The following ZFC3H1 variants were observed in gnomAD, a reference collection of about 807,000 sequenced individuals.
The protein encoded by ZFC3H1 is zinc finger C3H1 domain-containing protein.
ZFC3H1 carries 71 observed loss-of-function variants against 243.7 expected under a neutral mutation model. That is an observed-to-expected ratio of 0.29 (90% CI 0.24 to 0.36). ZFC3H1 has a LOEUF of 0.36. ZFC3H1 is among the 10% of genes least tolerant of loss of function. The pLI is 1.00. For synonymous variants in ZFC3H1, 838 were observed against 813.0 expected, an observed-to-expected ratio of 1.03 and a Z score of -0.52; for missense variants, 1,966 against 2,317.1, an observed-to-expected ratio of 0.85 and a Z score of 3.11.
intron 22 of ZFC3H1, among the ~76,000 whole-genome samples, chr12:71,625,866 G>A (rs139385149): frequency 0.011 from 1,737 of 152,270 alleles, 31 homozygotes; most frequent in African/African-American, 0.04. Flanking sequence ...TTTCCTGGCA[G>A]TCATTATAAT....
At chr12:71,638,280 C>A (rs1000426607) in intron 7 of ZFC3H1, 138 bp downstream of exon 7, 5 of 792,190 alleles carry the variant, frequency 6.3e-6, no homozygotes, top group Non-Finnish European at 9.9e-6. Context: ...ACTGTTTATT[C>A]TACGTATTTC....
chr12:71,657,382 T>G, intron 1 of ZFC3H1, 81 bp from the exon 2 acceptor site: 1 of 982,726 alleles, frequency 1.0e-6, no homozygotes, highest in Non-Finnish European at 1.4e-6. Context: ...TATAGATGAA[T>G]TTTCTCCCTT....
chr12:71,645,398 GA>G (rs980403596), intron 3 of ZFC3H1, among the ~76,000 whole-genome samples: 4 of 152,186 alleles, frequency 2.6e-5, no homozygotes, highest in Non-Finnish European at 5.9e-5. Context: ...TCCCAAACCG[GA>G]AAGAGTAAAA....
intron 20 of ZFC3H1, 136 bp from the exon 21 acceptor site, chr12:71,628,070 T>G: frequency 1.2e-6 from 1 of 837,850 alleles, no homozygotes; most frequent in Non-Finnish European, 1.8e-6. Flanking sequence ...CTCACAGCTT[T>G]AAGGTAGAGC....
At chr12:71,650,317 T>C (rs1880849379) in intron 2 of ZFC3H1, among the ~76,000 whole-genome samples, 1 of 152,140 alleles carries the variant, frequency 6.6e-6, no homozygotes, top group Non-Finnish European at 1.5e-5. Flanking sequence ...AATACAAATT[T>C]CAGACAATAA....
chr12:71,649,091 C>CAAAAAAAAAA (rs35231608), intron 2 of ZFC3H1, among the ~76,000 whole-genome samples: 36 of 89,490 alleles, frequency 4.0e-4, no homozygotes, highest in Non-Finnish European at 6.5e-4. Context: ...ACTCTTGTCT[C>CAAAAAAAAAA]AAAAAAAAAA....
intron 27 of ZFC3H1, among the ~76,000 whole-genome samples, chr12:71,617,990 C>A (rs1266436341): frequency 1.3e-5 from 2 of 152,108 alleles, no homozygotes; most frequent in Admixed American, 1.3e-4. Context: ...GTGGACCGGG[C>A]GCAGTGGCTC....
chr12:71,661,210 G>A (rs1486586435), intron 1 of ZFC3H1, among the ~76,000 whole-genome samples: 1 of 151,698 alleles, frequency 6.6e-6, no homozygotes, highest in Non-Finnish European at 1.5e-5. Flanking sequence ...GACTGAGGCC[G>A]AATGGCGTGA....
In ZFC3H1 at chr12:71,621,493, G is replaced by A. The variant is rs139057788; in HGVS notation, c.4745-1178C>T. Among the ~76,000 whole-genome samples the A allele has an allele frequency of 5.0e-3, 767 of 151,916 alleles. 5 individuals are homozygous for A. Among genetic ancestry groups the A allele is most frequent in the African/African-American group, 0.018 (739 of 41,414 alleles). On this transcript the variant is annotated intron_variant, in intron 24 of 34. Transcript: ENST00000378743. ...TAGTTTTTGTATTTTTAGTAGAGAC[G>A]GGGTTTCACCACGTTGGCCAGGCTG... is the stretch of plus-strand genomic sequence containing the variant.
chr12:71,639,497 G>C (rs138029768), intron 6 of ZFC3H1: 9 of 191,596 alleles, frequency 4.7e-5, no homozygotes, highest in Middle Eastern at 7.2e-4. Flanking sequence ...TGGTGCTATT[G>C]TTTTATGGAC....
At chr12:71,646,374 T>G (rs541183498) in intron 3 of ZFC3H1, among the ~76,000 whole-genome samples, 56 of 152,308 alleles carry the variant, frequency 3.7e-4, no homozygotes, top group Non-Finnish European at 2.2e-4. Flanking sequence ...GAGCCACATG[T>G]GGCTATCTGA....
rs1592598201 is a variant in ZFC3H1, at chr12:71,644,373, A to G, written c.1280-55T>C. 7 of 1,534,764 alleles carry G rather than the reference A, an allele frequency of 4.6e-6. No homozygotes were observed. The East Asian group carries it at 1.6e-4, about 35-fold the overall frequency. ...ATCTGTTAGGAGATAAAAGAAAAAT[A>G]AGAGTCTTAAAAAATATTTTCATTA... is the stretch of plus-strand genomic sequence containing the variant. On this transcript the variant is annotated intron_variant, in intron 4 of 34. Transcript: ENST00000378743.
In ZFC3H1 at chr12:71,657,966, G is replaced by GCAA. The variant is rs1881063667; in HGVS notation, c.599-668_599-666dup. 2.6e-5 allele frequency among the ~76,000 whole-genome samples: 4 copies of GCAA among 151,062 alleles called. No individual in the cohort carries two copies. In the South Asian group the frequency reaches 6.3e-4, roughly 24 times the overall value. ...ATCACACCACTGCACTCCAGCCTGG[G>GCAA]CAACAGAGGGAGACCTCATCTCAAA... is the stretch of plus-strand genomic sequence containing the variant. On this transcript the variant is annotated intron_variant, in intron 1 of 34. Transcript: ENST00000378743.
In ZFC3H1 at chr12:71,663,344, C is replaced by T; in HGVS notation, c.267G>A (p.Ser89=). 6.2e-7 allele frequency: 1 copy of T among 1,613,170 alleles called. No homozygotes were observed. The highest frequency in any genetic ancestry group is 8.5e-7 in the Non-Finnish European group (1 of 1,180,036). The change falls in exon 1 of 35, where the codon TCG becomes TCA. Residue 89 remains serine, a synonymous_variant. Transcript: ENST00000378743. ...GGTGGCCCCGCTCAGACGCGTGCCG[C>T]GAGCGTGAGAAATTCCTCAGCTGCT... The part of the protein sequence containing the change: ...SQQQLRNFSR[S]RHASERGHLR...
At chr12:71,662,983 A>T in intron 1 of ZFC3H1, 30 bp downstream of exon 1, 2 of 1,561,064 alleles carry the variant, frequency 1.3e-6, no homozygotes, top group Non-Finnish European at 1.7e-6. Flanking sequence ...TTAGTGACAC[A>T]CCCAGCGCCG....
intron 2 of ZFC3H1, 113 bp downstream of exon 2, chr12:71,656,772 A>G: frequency 8.7e-7 from 1 of 1,143,768 alleles, no homozygotes; most frequent in Non-Finnish European, 1.2e-6. Flanking sequence ...TAGAAAGTAC[A>G]AAAGAATTTA....
Position 71,636,620 on chromosome 12 carries a change from G to A in ZFC3H1, c.1970C>T (p.Pro657Leu), listed in dbSNP as rs1412113979. 3 of 1,613,470 alleles carry A rather than the reference G, an allele frequency of 1.9e-6. No individual in the cohort carries two copies. The highest frequency in any genetic ancestry group is 2.5e-6 in the Non-Finnish European group (3 of 1,179,828). Residue 657 changes from proline to leucine, a missense_variant, in exon 9 of 35, where the codon CCA becomes CTA. Physicochemically the swap from Pro to Leu is moderately conservative, Grantham distance 98 (BLOSUM62 -3). Around this residue, in one of 4 missense-constraint regions of ZFC3H1, gnomAD observed 1,383 missense variants for 1,723.7 expected, o/e 0.80. Coordinates refer to ENST00000378743, the MANE Select transcript of ZFC3H1 (RefSeq NM_144982.5). Reference sequence around the variant, plus strand: ...CACAGGATGTGAATTGTTCAGAACTGGAGGTGAAGGTGGGTCACTATTACT... The same window carrying A: ...CACAGGATGTGAATTGTTCAGAACTAGAGGTGAAGGTGGGTCACTATTACT... ...TSSNSDPPSP[P>L]VLNNSHPVPR...
rs372787712 is a variant in ZFC3H1 at position 71,623,412 on chromosome 12, T to C, written c.4692A>G (p.Gln1564=). Residue 1564 remains glutamine (Q), a synonymous_variant, in exon 24 of 35, where the codon CAA becomes CAG. Transcript: ENST00000378743. The stretch of plus-strand genomic sequence containing the variant: ...GATTAGTCTTTACATCTTGAACAGC[T>C]TGCCATGGCATTACAAATGATTCAG... The part of the protein sequence containing the change: ...VNTESFVMPW[Q]AVQDVKTNPD... 4 of 1,613,660 alleles carry C rather than the reference T, an allele frequency of 2.5e-6. No individual in the cohort carries two copies. The highest frequency in any genetic ancestry group is 2.2e-5 in the East Asian group (1 of 44,774).
chr12:71,635,319 AAATATTTCCACAAATCAATGTT>A (rs1565816367), intron 10 of ZFC3H1, 102 bp downstream of exon 10: 9 of 1,273,872 alleles, frequency 7.1e-6, no homozygotes, highest in East Asian at 2.9e-5. Flanking sequence ...CAAATACTTA[AAATATTTCCACAAATCAATGTT>A]ATTAAAAATC....
Sources: gnomAD v4.1 joint callset for allele counts (sites outside exome capture counted in the v4.1 genomes callset) on GRCh38, gnomAD v4.1.1 for gene constraint, gnomAD v4.1.1 regional missense constraint, MANE v1.5 for transcripts, NCBI Gene and HGNC (gene_info 2026-07-23, HGNC 2026-07-21) for gene names.